Variants in FMNL2 observed in about 807,000 individuals in gnomAD.
FMNL2 encodes the protein formin-like protein 2.
FMNL2 carries 51 observed loss-of-function variants against 130.2 expected under a neutral mutation model. That is an observed-to-expected ratio of 0.39 (90% confidence interval 0.31 to 0.49). The LOEUF (loss-of-function observed/expected upper bound fraction) is 0.49. Ranked by LOEUF, FMNL2 falls within the 20% of genes least tolerant of loss-of-function variation. The probability of loss-of-function intolerance (pLI) is 0.85; values close to 1 mark genes in which losing one functional copy is unlikely to be tolerated. For synonymous variants in FMNL2, 465 were observed against 467.1 expected (o/e 1.00, Z 0.06); for missense variants, 977 against 1,316.2 (o/e 0.74, Z 3.99).
At chr2:152,499,671 T>C (rs1691702680) in intron 1 of FMNL2, among the ~76,000 whole-genome samples, 1 of 152,160 alleles carries the variant, frequency 6.6e-6, no homozygotes, top group South Asian at 2.1e-4. Context: ...TGAGAAAGCT[T>C]GTGTGTGAAT....
chr2:152,335,805 C>G (rs1328621851), intron 1 of FMNL2, 85 bp downstream of exon 1: 12 of 1,026,238 alleles, frequency 1.2e-5, no homozygotes, highest in Non-Finnish European at 1.6e-5. Context: ...CCCTTCACCC[C>G]GTGCCGGGAG....
chr2:152,354,112 T>C (rs1682660073), intron 1 of FMNL2, among the ~76,000 whole-genome samples: 1 of 152,226 alleles, frequency 6.6e-6, no homozygotes, highest in Admixed American at 6.5e-5. Context: ...GGCTATTCCA[T>C]TTCAGAGCCT....
chr2:152,548,955 A>G (rs1301351488), intron 3 of FMNL2, 66 bp from the exon 4 acceptor site: 4 of 1,234,614 alleles, frequency 3.2e-6, no homozygotes, highest in Non-Finnish European at 4.5e-6. Flanking sequence ...TAAATTTATT[A>G]TAACTAAGCT....
At chr2:152,583,151 T>C (rs951163706) in intron 9 of FMNL2, among the ~76,000 whole-genome samples, 30 of 152,302 alleles carry the variant, frequency 2.0e-4, no homozygotes, top group African/African-American at 7.0e-4. Flanking sequence ...TGGACAATAG[T>C]AATGAGAACT....
intron 1 of FMNL2, among the ~76,000 whole-genome samples, chr2:152,438,788 G>T (rs1210193318): frequency 6.6e-6 from 1 of 152,058 alleles, no homozygotes; most frequent in African/African-American, 2.4e-5. Flanking sequence ...GCGTCAGGGG[G>T]CTGATGCCAT....
intron 1 of FMNL2, among the ~76,000 whole-genome samples, chr2:152,490,846 G>A (rs1174087007): frequency 6.6e-6 from 1 of 152,102 alleles, no homozygotes; most frequent in Non-Finnish European, 1.5e-5. Flanking sequence ...GGTGGGGATG[G>A]AAAGGCAAAT....
chr2:152,349,550 C>A (rs1440330879), intron 1 of FMNL2, among the ~76,000 whole-genome samples: 2 of 152,128 alleles, frequency 1.3e-5, no homozygotes, highest in East Asian at 3.8e-4. Flanking sequence ...CTTCACATAC[C>A]CTCTGTACTA....
intron 1 of FMNL2, among the ~76,000 whole-genome samples, chr2:152,410,642 G>T (rs572200687): frequency 6.6e-6 from 1 of 152,158 alleles, no homozygotes. Context: ...AGGGGCTCAC[G>T]CCTGGTGGAC....
intron 9 of FMNL2, among the ~76,000 whole-genome samples, chr2:152,597,500 C>T (rs1697831731): frequency 6.6e-6 from 1 of 152,154 alleles, no homozygotes; most frequent in African/African-American, 2.4e-5. Flanking sequence ...CCTTTTACTG[C>T]TTCATCAATG....
chr2:152,516,835 A>G (rs187441476), intron 1 of FMNL2, among the ~76,000 whole-genome samples: 1 of 152,296 alleles, frequency 6.6e-6, no homozygotes, highest in Admixed American at 6.5e-5. Context: ...CTTGAGATGT[A>G]TAGGCTACCA....
At chr2:152,432,190 G>A (rs1687530422) in intron 1 of FMNL2, among the ~76,000 whole-genome samples, 1 of 151,850 alleles carries the variant, frequency 6.6e-6, no homozygotes, top group Admixed American at 6.6e-5. Flanking sequence ...CTCATAAATA[G>A]GGGACTGGTG....
At chr2:152,523,303 T>C (rs1217831659) in intron 2 of FMNL2, among the ~76,000 whole-genome samples, 1 of 152,192 alleles carries the variant, frequency 6.6e-6, no homozygotes, top group Non-Finnish European at 1.5e-5. Flanking sequence ...GCTGCTAAGA[T>C]GCTCAGAGAC....
chr2:152,608,576 A>G (rs1698514699), intron 10 of FMNL2, among the ~76,000 whole-genome samples: 1 of 149,592 alleles, frequency 6.7e-6, no homozygotes, highest in African/African-American at 2.4e-5. Flanking sequence ...ATGTGTCTAT[A>G]TACTTTATAT....
intron 6 of FMNL2, among the ~76,000 whole-genome samples, chr2:152,561,337 A>G (rs1247498736): frequency 1.3e-5 from 2 of 152,098 alleles, no homozygotes; most frequent in East Asian, 1.9e-4. Flanking sequence ...AACCAGGGGA[A>G]TGTTGACATC....
Position 152,523,935 on chromosome 2 carries a change from G to A in FMNL2, c.201+1909G>A, listed in dbSNP as rs545105706. On this transcript the variant is annotated intron_variant, in intron 2 of 25. Transcript: ENST00000288670. Reference sequence around the variant, plus strand: ...GGCTAATATGGAAGACAGTGGAGAGGAAGCTTGCATTATTGGCAGAGAGGG... The same window carrying A: ...GGCTAATATGGAAGACAGTGGAGAGAAAGCTTGCATTATTGGCAGAGAGGG... Among the ~76,000 whole-genome samples, 4 of 152,300 alleles carry A rather than the reference G, an allele frequency of 2.6e-5. No individual in the cohort carries two copies. The South Asian group carries it at 8.3e-4, about 32-fold the overall frequency.
In FMNL2 at chr2:152,575,175, A is replaced by G; in HGVS notation, c.636A>G (p.Ser212=). The change falls in exon 7 of 26, where the codon TCA becomes TCG. Residue 212 remains serine (S), a synonymous_variant. Transcript: ENST00000288670. ...CAAGCAGAAGAACTCTGAAAAATTC[A>G]AGATTAGTGAGTAAGAAAGATGATG... The part of the protein sequence containing the change: ...TLPSRRTLKN[S]RLVSKKDDVH... 6.2e-7 allele frequency: 1 copy of G among 1,607,672 alleles called. No homozygotes were observed. Among genetic ancestry groups the G allele is most frequent in the Non-Finnish European group, 8.5e-7 (1 of 1,176,712 alleles).
intron 2 of FMNL2, among the ~76,000 whole-genome samples, chr2:152,538,125 C>T (rs1247368331): frequency 6.6e-6 from 1 of 152,136 alleles, no homozygotes; most frequent in Non-Finnish European, 1.5e-5. Flanking sequence ...AAATATCTCA[C>T]TAAAAGATAT....
chr2:152,606,257 A>G (rs1002943629), intron 9 of FMNL2, among the ~76,000 whole-genome samples: 12 of 152,234 alleles, frequency 7.9e-5, no homozygotes, highest in African/African-American at 2.7e-4. Flanking sequence ...AATTAGCAAA[A>G]TGTTAACCAA....
intron 1 of FMNL2, among the ~76,000 whole-genome samples, chr2:152,400,232 G>A (rs919995366): frequency 1.3e-5 from 2 of 152,130 alleles, no homozygotes; most frequent in African/African-American, 4.8e-5. Context: ...CGGGGTTTAA[G>A]ACTAGCCTGG....
Sources: gnomAD v4.1 joint callset for allele counts (sites outside exome capture counted in the v4.1 genomes callset) on GRCh38, gnomAD v4.1.1 for gene constraint, MANE v1.5 for transcripts, NCBI Gene and HGNC (gene_info 2026-07-23, HGNC 2026-07-21) for gene names.